The following KIF6 variants were observed in gnomAD, a reference collection of about 807,000 sequenced individuals.
KIF6 encodes kinesin-like protein KIF6.
KIF6 carries 106 observed loss-of-function variants against 112.7 expected under a neutral mutation model. That is an observed-to-expected ratio of 0.94 (90% CI 0.80 to 1.11). KIF6 has a LOEUF of 1.11. KIF6 is among the 50% of genes least tolerant of loss of function. The pLI, the probability that KIF6 is intolerant of heterozygous loss-of-function variation, is 0.00. For synonymous variants in KIF6, 339 were observed against 339.9 expected (o/e 1.00, Z 0.03); for missense variants, 929 against 964.0 (o/e 0.96, Z 0.48).
intron 15 of KIF6, among the ~76,000 whole-genome samples, chr6:39,398,944 A>G (rs1768478325): frequency 6.6e-6 from 1 of 152,176 alleles, no homozygotes; most frequent in Admixed American, 6.5e-5. Context: ...ATAGATTACC[A>G]TCCATAATGG....
chr6:39,544,830 G>A lies in KIF6; in HGVS notation c.1288-137C>T, dbSNP rs145830268. 1.5e-4 allele frequency: 71 copies of A among 460,690 alleles called. No homozygotes were observed. In the Middle Eastern group the frequency reaches 1.7e-3, roughly 11 times the overall value. 28.5% of individuals were successfully genotyped at this position (460,690 alleles called of 1,614,324 possible). Reference sequence around the variant, plus strand: ...TCTGATGCAGGTGCGATGTCTTTGCGATGCAGTTGCTTTTTTGGCTTGGCA... The same window carrying A: ...TCTGATGCAGGTGCGATGTCTTTGCAATGCAGTTGCTTTTTTGGCTTGGCA... On this transcript the variant is annotated intron_variant, in intron 11 of 22. Transcript: ENST00000287152.
At chr6:39,716,927 T>C (rs535943551) in intron 2 of KIF6, among the ~76,000 whole-genome samples, 3 of 152,208 alleles carry the variant, frequency 2.0e-5, no homozygotes, top group South Asian at 2.1e-4. Flanking sequence ...CTATACTTTA[T>C]GTCTAATCCA....
intron 4 of KIF6, among the ~76,000 whole-genome samples, chr6:39,638,793 A>AT (rs1436350059): frequency 6.6e-6 from 1 of 152,098 alleles, no homozygotes; most frequent in African/African-American, 2.4e-5. Context: ...CTCTAATACA[A>AT]TTCAATCTCT....
At chr6:39,426,540 G>A (rs1051045479) in intron 14 of KIF6, among the ~76,000 whole-genome samples, 3 of 152,152 alleles carry the variant, frequency 2.0e-5, no homozygotes, top group African/African-American at 4.8e-5. Context: ...GATCATTTGA[G>A]CCCAGGAGTT....
intron 13 of KIF6, among the ~76,000 whole-genome samples, chr6:39,513,235 G>T (rs1776878346): frequency 6.6e-6 from 1 of 152,144 alleles, no homozygotes; most frequent in African/African-American, 2.4e-5. Flanking sequence ...AGCTAGGTTA[G>T]TTTCTCCCAG....
chr6:39,393,470 T>C (rs1318035238), intron 15 of KIF6, among the ~76,000 whole-genome samples: 1 of 152,054 alleles, frequency 6.6e-6, no homozygotes, highest in African/African-American at 2.4e-5. Context: ...TGACATATAA[T>C]AAAAACTGTG....
chr6:39,473,913 C>T (rs2150444506), intron 13 of KIF6, among the ~76,000 whole-genome samples: 1 of 152,166 alleles, frequency 6.6e-6, no homozygotes, highest in South Asian at 2.1e-4. Flanking sequence ...GAATAATTTT[C>T]TCTGTAAAAA....
At chr6:39,575,622 A>G (rs1282935128) in intron 10 of KIF6, among the ~76,000 whole-genome samples, 2 of 152,190 alleles carry the variant, frequency 1.3e-5, no homozygotes, top group African/African-American at 4.8e-5. Flanking sequence ...AGCTAAAGAC[A>G]GCAACTGGTC....
chr6:39,553,095 T>C (rs1438571975), intron 10 of KIF6, among the ~76,000 whole-genome samples: 1 of 152,238 alleles, frequency 6.6e-6, no homozygotes, highest in Non-Finnish European at 1.5e-5. Flanking sequence ...GTTTTTCCTT[T>C]TGCAGTTTCC....
chr6:39,423,064 T>C (rs1294267560), intron 14 of KIF6, among the ~76,000 whole-genome samples: 1 of 152,208 alleles, frequency 6.6e-6, no homozygotes, highest in Non-Finnish European at 1.5e-5. Context: ...GCATTCCTAT[T>C]AGGGCGTCGT....
chr6:39,423,236 C>T (rs1770507945), intron 14 of KIF6, among the ~76,000 whole-genome samples: 1 of 152,146 alleles, frequency 6.6e-6, no homozygotes, highest in African/African-American at 2.4e-5. Flanking sequence ...TTCTACTAGC[C>T]TGGCTTCCCG....
rs371120592 is a variant in KIF6, at chr6:39,428,785, A to T, written c.1754+2268T>A. On this transcript the variant is annotated intron_variant, in intron 14 of 22. Coordinates refer to ENST00000287152, the MANE Select transcript of KIF6 (RefSeq NM_145027.6). The stretch of plus-strand genomic sequence containing the variant: ...GATCTTACTCAGTGCTATGCTTTTA[A>T]GGTCTATGTTAATTGGTATGCATAC... Among the ~76,000 whole-genome samples the T allele has an allele frequency of 3.3e-5, 5 of 152,278 alleles. No homozygotes were observed. The East Asian group carries it at 9.7e-4, about 29-fold the overall frequency.
intron 16 of KIF6, among the ~76,000 whole-genome samples, chr6:39,376,297 C>T (rs7772260): frequency 0.43 from 65,081 of 151,996 alleles, 15,297 homozygotes; most frequent in Non-Finnish European, 0.52. Context: ...CCCATGTCTC[C>T]GCACCAAGGT....
chr6:39,611,127 G>A (rs967538016), intron 6 of KIF6, among the ~76,000 whole-genome samples: 2 of 152,076 alleles, frequency 1.3e-5, no homozygotes, highest in Non-Finnish European at 2.9e-5. Flanking sequence ...CTAACATGGC[G>A]AAACCCTGTC....
intron 10 of KIF6, among the ~76,000 whole-genome samples, 191 bp from the exon 11 acceptor site, chr6:39,545,879 T>C (rs1779044755): frequency 6.6e-6 from 1 of 152,230 alleles, no homozygotes. Flanking sequence ...AGCCATTATT[T>C]GACTAATTTC....
At chr6:39,383,782 T>C (rs2150311026) in intron 16 of KIF6, among the ~76,000 whole-genome samples, 1 of 152,374 alleles carries the variant, frequency 6.6e-6, no homozygotes, top group Non-Finnish European at 1.5e-5. Flanking sequence ...TTCCAATTCA[T>C]GAGCATGGAA....
Position 39,684,846 on chromosome 6 carries a change from G to T in KIF6, c.251+29846C>A, listed in dbSNP as rs375441022. On this transcript the variant is annotated intron_variant, in intron 3 of 22. Coordinates refer to ENST00000287152, the MANE Select transcript of KIF6 (RefSeq NM_145027.6). ...AAACAAGTATTTTAAAGAGGAGGAG[G>T]AAGAAATTTAGCCCTGTCAAATGCT... 7.9e-5 allele frequency among the ~76,000 whole-genome samples: 12 copies of T among 151,938 alleles called. No homozygotes were observed. In the South Asian group the frequency reaches 1.5e-3, roughly 19 times the overall value.
In KIF6 at chr6:39,343,766, T is replaced by C; in HGVS notation, c.2371A>G (p.Thr791Ala). 6.2e-7 allele frequency: 1 copy of C among 1,613,100 alleles called. No individual in the cohort carries two copies. The highest frequency in any genetic ancestry group is 2.2e-5 in the East Asian group (1 of 44,854). ...ATGAAGGCGATGATGTCCGAGTCCGTCTGGCTGTCTCCGGTGAGAGGGATG... is the reference window on the plus strand; with the variant it reads ...ATGAAGGCGATGATGTCCGAGTCCGCCTGGCTGTCTCCGGTGAGAGGGATG... ...SSIPLTGDSQTDSDIIAFIKA... is the reference protein window; with the variant it reads ...SSIPLTGDSQADSDIIAFIKA... The change falls in exon 22 of 23, where the codon ACG becomes GCG. Residue 791 changes from threonine to alanine, a missense_variant. Around this residue, in one of 2 missense-constraint regions of KIF6, gnomAD observed 241 missense variants for 301.4 expected, o/e 0.80. Coordinates refer to ENST00000287152, the MANE Select transcript of KIF6 (RefSeq NM_145027.6). This position sits in a 1 kb window ranked among gnomAD's most constrained non-coding sequence, Gnocchi z 4.1.
At chr6:39,379,265 G>T (rs1032406600) in intron 16 of KIF6, among the ~76,000 whole-genome samples, 3 of 152,174 alleles carry the variant, frequency 2.0e-5, no homozygotes, top group African/African-American at 7.2e-5. Context: ...CTCAGCTGTG[G>T]AGTCCAAAAG....
Sources: allele counts gnomAD v4.1 joint callset (sites outside exome capture counted in the v4.1 genomes callset), GRCh38; gene constraint gnomAD v4.1.1; regional missense constraint gnomAD v4.1.1; non-coding constraint Gnocchi (gnomAD v3.1); transcripts MANE v1.5; gene names NCBI Gene and HGNC (gene_info 2026-07-23, HGNC 2026-07-21).